KIF2A: variants seen among roughly 807,000 people sequenced by gnomAD.
KIF2A encodes kinesin family member 2A, also known as kinesin-like protein KIF2A.
Under a neutral mutation model 100.2 loss-of-function variants are expected in KIF2A, and 22 were observed. The observed-to-expected ratio is 0.22, with a 90% CI of 0.16 to 0.31. KIF2A has a LOEUF of 0.31. Ranked by LOEUF, KIF2A falls within the 10% of genes least tolerant of loss-of-function variation. KIF2A has a pLI of 1.00. For synonymous variants in KIF2A, 268 were observed against 285.9 expected (o/e 0.94, Z 0.63); for missense variants, 495 against 898.7 (o/e 0.55, Z 5.74).
chr5:62,327,910 G>A (rs144013947), intron 1 of KIF2A, among the ~76,000 whole-genome samples: 3 of 152,168 alleles, frequency 2.0e-5, no homozygotes, highest in South Asian at 2.1e-4. Context: ...TCCCTGTCTC[G>A]TTAGGATGTA....
chr5:62,361,706 A>AC (rs1748418855), intron 11 of KIF2A, among the ~76,000 whole-genome samples, 177 bp downstream of exon 11: 2 of 122,968 alleles, frequency 1.6e-5, no homozygotes, highest in African/African-American at 7.6e-5. Flanking sequence ...TATTCACAAT[A>AC]ATTTTTTTTT....
intron 20 of KIF2A, among the ~76,000 whole-genome samples, chr5:62,381,933 C>T (rs1741787723): frequency 6.6e-6 from 1 of 152,200 alleles, no homozygotes; most frequent in East Asian, 1.9e-4. Context: ...TGAAGGGAAG[C>T]ATGTGCCTTA....
rs1742200301 is a variant in KIF2A at position 62,389,505 on chromosome 5, A to AAAAAAAAAAAAAAAT, written c.*3936_*3937insAAAAAAAAAAAAAAT. Reference sequence around the variant, plus strand: ...TGTCTCAAAAAAAAAAAAAAAAGAAATGTTATTGTCTGACTAAATTTATAA... The same window carrying AAAAAAAAAAAAAAAT: ...TGTCTCAAAAAAAAAAAAAAAAGAAAAAAAAAAAAAAAAATTGTTATTGTCTGACTAAATTTATAA... On this transcript the variant is annotated 3_prime_UTR_variant, in exon 21 of 21. Transcript: ENST00000407818. 1.3e-5 allele frequency among the ~76,000 whole-genome samples: 2 copies of AAAAAAAAAAAAAAAT among 150,820 alleles called. No homozygotes were observed. The highest frequency in any genetic ancestry group is 2.9e-5 in the Non-Finnish European group (2 of 67,874).
At position 62,361,308 on chromosome 5, in the gene KIF2A, G is replaced by A; in HGVS notation, c.939G>A (p.Gly313=). 1 of 1,607,376 alleles carries A rather than the reference G, an allele frequency of 6.2e-7. No individual in the cohort carries two copies. Among genetic ancestry groups the A allele is most frequent in the Non-Finnish European group, 8.5e-7 (1 of 1,175,582 alleles). Residue 313 remains glycine, a synonymous_variant, in exon 10 of 21, where the codon GGG becomes GGA. Transcript: ENST00000407818. ...ERGMATCFAY[G]QTGSGKTHTM... ...GAATGGCTACATGCTTTGCTTATGG[G>A]CAGACTGGAAGTGGAAAAACTCATG...
chr5:62,382,930 CT>C (rs34083254), intron 20 of KIF2A, among the ~76,000 whole-genome samples: 270 of 128,168 alleles, frequency 2.1e-3, no homozygotes, highest in Middle Eastern at 4.5e-3. Context: ...CCTGGCTTTG[CT>C]TTTTTTTTTT....
chr5:62,316,299 A>G (rs1262544914), intron 1 of KIF2A, among the ~76,000 whole-genome samples: 1 of 152,256 alleles, frequency 6.6e-6, no homozygotes, highest in African/African-American at 2.4e-5. Context: ...AAGGAAAAGC[A>G]GTACACAAAG....
chr5:62,376,506 G>A (rs1466473702), intron 18 of KIF2A, among the ~76,000 whole-genome samples: 2 of 151,730 alleles, frequency 1.3e-5, no homozygotes, highest in Non-Finnish European at 1.5e-5. Flanking sequence ...TGCAACCTCC[G>A]CCTCCCGGGT....
At position 62,387,024 on chromosome 5, in the gene KIF2A, G is replaced by A. The variant is rs1742061794; in HGVS notation, c.*1455G>A. Among the ~76,000 whole-genome samples the A allele has an allele frequency of 6.6e-6, 1 of 152,182 alleles. No individual in the cohort carries two copies. Among genetic ancestry groups the A allele is most frequent in the East Asian group, 1.9e-4 (1 of 5,204 alleles). On this transcript the variant is annotated 3_prime_UTR_variant, in exon 21 of 21. Coordinates refer to ENST00000407818, the MANE Select transcript of KIF2A (RefSeq NM_001098511.3). Reference sequence around the variant, plus strand: ...TTCACAGGAGCCAAAGGGGAGCTATGAATAGAGGGTCACATGAGCCAGATT... The same window carrying A: ...TTCACAGGAGCCAAAGGGGAGCTATAAATAGAGGGTCACATGAGCCAGATT...
intron 1 of KIF2A, among the ~76,000 whole-genome samples, chr5:62,312,114 A>G (rs1168429779): frequency 6.6e-6 from 1 of 152,002 alleles, no homozygotes; most frequent in Non-Finnish European, 1.5e-5. Flanking sequence ...AATTCTTTCC[A>G]CTACTACCAA....
chr5:62,329,709 A>G lies in KIF2A; in HGVS notation c.65-17421A>G, dbSNP rs190005235. ...TTTTTTGTAGCATCCTTGTCCTTTT[A>G]GTCTATTTTAAAGCAGCATTTGACA... On this transcript the variant is annotated intron_variant, in intron 1 of 20. Transcript: ENST00000407818. Among the ~76,000 whole-genome samples, 429 of 152,202 alleles carry G rather than the reference A, an allele frequency of 2.8e-3. 2 individuals carry two copies. Among genetic ancestry groups the G allele is most frequent in the African/African-American group, 0.01 (418 of 41,544 alleles).
chr5:62,360,108 A>G (rs1392614281), intron 9 of KIF2A, among the ~76,000 whole-genome samples: 2 of 151,778 alleles, frequency 1.3e-5, no homozygotes, highest in Admixed American at 6.6e-5. Flanking sequence ...CTCCTGCCTC[A>G]GCCTCCTGAG....
Position 62,386,968 on chromosome 5 carries a change from GATTT to G in KIF2A, c.*1405_*1408del, listed in dbSNP as rs775359974. On this transcript the variant is annotated 3_prime_UTR_variant, in exon 21 of 21. Transcript: ENST00000407818. ...AAATCTCCCAAGGATATCTTGTTTT[GATTT>G]ATTTACTCCAGGGAACTATCAGCTC... is the stretch of plus-strand genomic sequence containing the variant. Among the ~76,000 whole-genome samples the G allele has an allele frequency of 1.6e-4, 24 of 152,176 alleles. No homozygotes were observed. The highest frequency in any genetic ancestry group is 3.4e-4 in the Non-Finnish European group (23 of 68,028).
At chr5:62,351,835 A>T (rs909128406) in intron 4 of KIF2A, among the ~76,000 whole-genome samples, 1 of 152,148 alleles carries the variant, frequency 6.6e-6, no homozygotes, top group African/African-American at 2.4e-5. Flanking sequence ...ATTAGTGTAC[A>T]TTTTTAAAAA....
intron 1 of KIF2A, among the ~76,000 whole-genome samples, chr5:62,328,682 G>C (rs1746497404): frequency 6.6e-6 from 1 of 151,798 alleles, no homozygotes; most frequent in Non-Finnish European, 1.5e-5. Context: ...GTAGAGACGG[G>C]GTTTCTCCAT....
chr5:62,311,960 G>A (rs903452081), intron 1 of KIF2A: 1 of 152,194 alleles, frequency 6.6e-6, no homozygotes, highest in African/African-American at 2.4e-5. Flanking sequence ...AAGATCACAT[G>A]GTTAATAAGG....
chr5:62,371,394 A>G (rs1432683311), intron 16 of KIF2A, among the ~76,000 whole-genome samples: 1 of 152,236 alleles, frequency 6.6e-6, no homozygotes, highest in Non-Finnish European at 1.5e-5. Flanking sequence ...AGTAGAGGAA[A>G]CATATTAGTT....
At chr5:62,363,051 C>A in intron 12 of KIF2A, 127 bp from the exon 13 acceptor site, 2 of 683,176 alleles carry the variant, frequency 2.9e-6, no homozygotes, top group Non-Finnish European at 4.7e-6. Context: ...TGGTTTTGAA[C>A]TCCTGAGCTC....
chr5:62,343,832 T>G (rs1182019767), intron 1 of KIF2A, among the ~76,000 whole-genome samples: 4 of 152,198 alleles, frequency 2.6e-5, no homozygotes, highest in Non-Finnish European at 2.9e-5. Context: ...GAAAGCTCCC[T>G]AGGAGTTTCT....
chr5:62,316,228 C>T (rs1000113279), intron 1 of KIF2A, among the ~76,000 whole-genome samples: 1 of 152,206 alleles, frequency 6.6e-6, no homozygotes, highest in Non-Finnish European at 1.5e-5. Flanking sequence ...ACTTTGCCTT[C>T]TTAGTACTGA....
Sources: gnomAD v4.1 joint callset for allele counts (sites outside exome capture counted in the v4.1 genomes callset) on GRCh38, gnomAD v4.1.1 for gene constraint, MANE v1.5 for transcripts, NCBI Gene and HGNC (gene_info 2026-07-23, HGNC 2026-07-21) for gene names.